SDC1: variants seen among roughly 807,000 people sequenced by gnomAD.
The protein encoded by SDC1 is syndecan 1.
In SDC1, 14 loss-of-function variants were observed where a neutral mutation model predicts 29.7. The observed-to-expected ratio is 0.47, with a 90% CI of 0.31 to 0.74. SDC1 has a LOEUF of 0.74. Among genes scored for constraint, SDC1 ranks in the 30% least tolerant of loss-of-function variants. The pLI, the probability that SDC1 is intolerant of heterozygous loss-of-function variation, is 0.05. For synonymous variants in SDC1, 204 were observed against 175.5 expected (o/e 1.16, Z -1.29); for missense variants, 406 against 400.3 (o/e 1.01, Z -0.12).
chr2:20,208,164 G>T (rs1677342003), intron 1 of SDC1: 3 of 976,298 alleles, frequency 3.1e-6, no homozygotes, highest in Non-Finnish European at 3.7e-6. Context: ...ACACACACTG[G>T]GGCCCATGTA....
intron 1 of SDC1, among the ~76,000 whole-genome samples, chr2:20,206,642 A>G (rs904337533): frequency 2.0e-5 from 3 of 152,212 alleles, no homozygotes; most frequent in Admixed American, 6.5e-5. Flanking sequence ...CAAAGAATGA[A>G]AAAATATGCA....
intron 1 of SDC1, among the ~76,000 whole-genome samples, chr2:20,218,220 C>T (rs906618046): frequency 5.9e-5 from 9 of 152,204 alleles, no homozygotes; most frequent in Admixed American, 2.0e-4. Flanking sequence ...GCCAAACAGT[C>T]GGGGCTCAGC....
intron 1 of SDC1, among the ~76,000 whole-genome samples, chr2:20,210,544 G>A (rs1042339269): frequency 7.2e-5 from 11 of 152,206 alleles, no homozygotes; most frequent in African/African-American, 2.7e-4. Flanking sequence ...AGCGCAGGGG[G>A]CCTCTGATTC....
At chr2:20,217,504 C>T (rs1221795131) in intron 1 of SDC1, among the ~76,000 whole-genome samples, 1 of 152,170 alleles carries the variant, frequency 6.6e-6, no homozygotes, top group African/African-American at 2.4e-5. Context: ...CATTGCCTCA[C>T]CTCTGCCTCT....
rs1167741102 is a variant in SDC1, at chr2:20,201,863, A to T, written c.*903T>A. 6.1e-6 allele frequency: 1 copy of T among 165,196 alleles called. No homozygotes were observed. The highest frequency in any genetic ancestry group is 1.3e-5 in the Non-Finnish European group (1 of 76,994). The allele number at this position is 165,196 out of a possible 1,614,324, so 10.2% of individuals were successfully genotyped here. On this transcript the variant is annotated 3_prime_UTR_variant, in exon 5 of 5. Coordinates refer to ENST00000254351, the MANE Select transcript of SDC1 (RefSeq NM_002997.5). ...TTCACTTCTCACACGGGCTTCTCCA[A>T]CGTGGCAGCGGCCCAGGCCTCAGCA...
intron 1 of SDC1, chr2:20,223,272 A>G: frequency 7.7e-7 from 1 of 1,299,920 alleles, no homozygotes; most frequent in Non-Finnish European, 1.0e-6. Context: ...CTCCCATGAG[A>G]CAGACTCTGT....
intron 1 of SDC1, chr2:20,223,463 CG>C (rs1677886189): frequency 2.0e-5 from 8 of 399,560 alleles, no homozygotes; most frequent in South Asian, 1.6e-4. Context: ...CTGGGGAAGT[CG>C]AACTGTCCAG....
At chr2:20,204,616 C>T (rs1038109511) in intron 2 of SDC1, among the ~76,000 whole-genome samples, 1 of 152,034 alleles carries the variant, frequency 6.6e-6, no homozygotes, top group African/African-American at 2.4e-5. Context: ...TGTGGTTATC[C>T]TACTTATCCC....
chr2:20,221,136 G>T (rs1401048071), intron 1 of SDC1, among the ~76,000 whole-genome samples: 1 of 152,182 alleles, frequency 6.6e-6, no homozygotes, highest in African/African-American at 2.4e-5. Context: ...GACTGCAACA[G>T]GTCCCAGCTG....
chr2:20,216,151 G>A (rs1018406722), intron 1 of SDC1, among the ~76,000 whole-genome samples: 2 of 152,212 alleles, frequency 1.3e-5, no homozygotes, highest in African/African-American at 4.8e-5. Context: ...GAGACTCAGG[G>A]GTGAGCTTCC....
intron 1 of SDC1, among the ~76,000 whole-genome samples, chr2:20,216,162 T>A (rs1323056058): frequency 6.6e-6 from 1 of 152,228 alleles, no homozygotes; most frequent in Non-Finnish European, 1.5e-5. Context: ...GTGAGCTTCC[T>A]GGACTTTCCA....
rs150171224 is a variant in SDC1, at chr2:20,205,348, C to G, written c.143G>C (p.Gly48Ala). The part of the protein sequence containing the change: ...GDDSDNFSGS[G>A]AGALQDITLS... ...GGCCCCCATGACAACCTCACCTGCACCTGAGCCGGAGAAGTTGTCAGAGTC... is the reference window on the plus strand; with the variant it reads ...GGCCCCCATGACAACCTCACCTGCAGCTGAGCCGGAGAAGTTGTCAGAGTC... The change falls in exon 2 of 5, where the codon GGT (glycine) becomes GCT (alanine). Residue 48 changes from glycine (G) to alanine (A), a missense_variant. Physicochemically the swap from Gly to Ala is moderately conservative, Grantham distance 60. Transcript: ENST00000254351. 1.2e-6 allele frequency: 2 copies of G among 1,613,696 alleles called. No homozygotes were observed. Among genetic ancestry groups the G allele is most frequent in the Non-Finnish European group, 1.7e-6 (2 of 1,179,882 alleles).
intron 1 of SDC1, among the ~76,000 whole-genome samples, chr2:20,213,359 T>C (rs1487073493): frequency 1.3e-5 from 2 of 152,210 alleles, no homozygotes; most frequent in Admixed American, 6.5e-5. Flanking sequence ...ACCCAGGCCC[T>C]GCAGCCTCAG....
At position 20,205,302 on chromosome 2, in the gene SDC1, G is replaced by A. The variant is rs759888523; in HGVS notation, c.148+41C>T. The A allele has an allele frequency of 2.7e-6, 4 of 1,480,552 alleles. No homozygotes were observed. In the African/African-American group the frequency reaches 4.1e-5, roughly 15 times the overall value. The allele number at this position is 1,480,552 out of a possible 1,614,324, so 91.7% of individuals were successfully genotyped here. ...TGACCACTGCCCACAGGCATGACCTGTTGCCGTCTTGGGTGGGGGGGGCCC... is the reference window on the plus strand; with the variant it reads ...TGACCACTGCCCACAGGCATGACCTATTGCCGTCTTGGGTGGGGGGGGCCC... On this transcript the variant is annotated intron_variant, in intron 2 of 4. Transcript: ENST00000254351.
rs1302442723 is a variant in SDC1, at chr2:20,218,544, GACAC to G, written c.66+6254_66+6257del. On this transcript the variant is annotated intron_variant, in intron 1 of 4. Transcript: ENST00000254351. ...ACACACACAGACACACACACACACA[GACAC>G]ACACACACAGAGACACACATATACA... is the stretch of plus-strand genomic sequence containing the variant. Among the ~76,000 whole-genome samples, 35 of 148,556 alleles carry G rather than the reference GACAC, an allele frequency of 2.4e-4. No individual in the cohort carries two copies. In the East Asian group the frequency reaches 6.6e-3, roughly 28 times the overall value.
In SDC1 at chr2:20,218,814, C is replaced by T. The variant is rs1030886377; in HGVS notation, c.66+5988G>A. 9.9e-5 allele frequency among the ~76,000 whole-genome samples: 15 copies of T among 151,932 alleles called. No individual in the cohort carries two copies. The South Asian group carries it at 1.0e-3, about 11-fold the overall frequency. On this transcript the variant is annotated intron_variant, in intron 1 of 4. Transcript: ENST00000254351. ...ACAGATATACACACAGACATACACA[C>T]GCAGACACACACACACACAGACACA...
intron 1 of SDC1, among the ~76,000 whole-genome samples, chr2:20,209,577 G>C (rs1677395308): frequency 6.6e-6 from 1 of 152,246 alleles, no homozygotes. Context: ...TGTGCCACCA[G>C]GGATGGGGAG....
intron 1 of SDC1, among the ~76,000 whole-genome samples, chr2:20,206,230 G>A (rs73919410): frequency 0.018 from 2,795 of 152,350 alleles, 72 homozygotes; most frequent in African/African-American, 0.064. Context: ...AGTGGGCTGT[G>A]GGCCTGGGAC....
At chr2:20,218,685 G>A (rs1052495676) in intron 1 of SDC1, among the ~76,000 whole-genome samples, 2 of 142,962 alleles carry the variant, frequency 1.4e-5, no homozygotes, top group South Asian at 2.3e-4. Flanking sequence ...ACACACACAC[G>A]GACGCACACA....
Sources: allele counts gnomAD v4.1 joint callset (sites outside exome capture counted in the v4.1 genomes callset), GRCh38; gene constraint gnomAD v4.1.1; transcripts MANE v1.5; gene names NCBI Gene and HGNC (gene_info 2026-07-23, HGNC 2026-07-21).